The following SNX29 variants were observed in gnomAD, a reference collection of about 807,000 sequenced individuals.
SNX29 encodes sorting nexin-29.
In SNX29, 78 loss-of-function variants were observed where a neutral mutation model predicts 102.1. The ratio of observed to expected loss-of-function variants is 0.76; its 90% CI spans 0.64 to 0.92. The LOEUF (loss-of-function observed/expected upper bound fraction) is 0.92. Ranked by LOEUF, SNX29 falls within the 40% of genes least tolerant of loss-of-function variation. The pLI is 0.00. For missense variants in SNX29, 1,280 were observed against 1,061.7 expected (o/e 1.21, Z -2.86); for synonymous variants, 580 against 414.5 (o/e 1.40, Z -4.85).
intron 8 of SNX29, among the ~76,000 whole-genome samples, chr16:12,054,767 T>C (rs1240489932): frequency 6.6e-6 from 1 of 152,176 alleles, no homozygotes; most frequent in Non-Finnish European, 1.5e-5. Flanking sequence ...TCTCTCTCTC[T>C]TCAGGCACAC....
intron 18 of SNX29, among the ~76,000 whole-genome samples, chr16:12,459,804 C>CT (rs1567585491): frequency 6.6e-6 from 1 of 152,114 alleles, no homozygotes; most frequent in Non-Finnish European, 1.5e-5. Flanking sequence ...CCAGCTCTTG[C>CT]TTTTTTTGAG....
At chr16:12,541,062 T>C (rs775325545) in intron 20 of SNX29, among the ~76,000 whole-genome samples, 2 of 152,184 alleles carry the variant, frequency 1.3e-5, no homozygotes. Flanking sequence ...TTTAGTTTCC[T>C]GAGTTATTGA....
intron 16 of SNX29, among the ~76,000 whole-genome samples, chr16:12,369,928 T>A (rs1184569736): frequency 6.6e-6 from 1 of 152,186 alleles, no homozygotes; most frequent in Non-Finnish European, 1.5e-5. Flanking sequence ...AAAAAATCTT[T>A]CTTTGAGGCC....
At chr16:11,995,877 T>C (rs2056052614) in intron 1 of SNX29, among the ~76,000 whole-genome samples, 1 of 151,712 alleles carries the variant, frequency 6.6e-6, no homozygotes, top group Non-Finnish European at 1.5e-5. Flanking sequence ...CTGGCCAACA[T>C]GGTGAAACCC....
At chr16:12,004,374 G>A (rs1951420017) in intron 3 of SNX29, among the ~76,000 whole-genome samples, 1 of 151,928 alleles carries the variant, frequency 6.6e-6, no homozygotes, top group Non-Finnish European at 1.5e-5. Context: ...AATGGCCATT[G>A]ACATTCACGA....
chr16:11,982,390 C>T (rs1440230491), intron 1 of SNX29, among the ~76,000 whole-genome samples: 3 of 149,060 alleles, frequency 2.0e-5, no homozygotes, highest in Non-Finnish European at 4.4e-5. Flanking sequence ...TGTAAGTCTT[C>T]ATCCTTAAGT....
intron 15 of SNX29, among the ~76,000 whole-genome samples, chr16:12,291,935 C>T (rs1467646173): frequency 2.0e-5 from 3 of 152,198 alleles, no homozygotes; most frequent in Non-Finnish European, 2.9e-5. Flanking sequence ...TCAGCCCTCT[C>T]CCTTGCCTTC....
At chr16:12,441,211 C>G (rs1162533421) in intron 18 of SNX29, among the ~76,000 whole-genome samples, 3 of 151,552 alleles carry the variant, frequency 2.0e-5, no homozygotes, top group Non-Finnish European at 4.4e-5. Flanking sequence ...ACTCAGCCTC[C>G]CGAGTAGTTG....
chr16:12,199,165 A>G (rs2076852590), intron 13 of SNX29, among the ~76,000 whole-genome samples: 2 of 152,254 alleles, frequency 1.3e-5, no homozygotes, highest in Non-Finnish European at 2.9e-5. Context: ...CCTGGCAAAT[A>G]ATAAATGTTT....
chr16:12,201,008 G>A (rs1165404580), intron 14 of SNX29, among the ~76,000 whole-genome samples: 1 of 152,184 alleles, frequency 6.6e-6, no homozygotes, highest in East Asian at 1.9e-4. Context: ...TTAGAATCTG[G>A]CTATGGCTTA....
intron 20 of SNX29, among the ~76,000 whole-genome samples, chr16:12,562,490 G>C (rs774926560): frequency 6.6e-6 from 1 of 152,198 alleles, no homozygotes; most frequent in Admixed American, 6.5e-5. Flanking sequence ...GTCCTAGAAA[G>C]GAGCATCGTG....
At chr16:11,978,197 C>T (rs922230140) in intron 1 of SNX29, among the ~76,000 whole-genome samples, 1 of 152,018 alleles carries the variant, frequency 6.6e-6, no homozygotes, top group Non-Finnish European at 1.5e-5. Context: ...GATAATCCAC[C>T]TTTGGTTGCA....
chr16:12,124,485 A>G (rs1319272491), intron 11 of SNX29, among the ~76,000 whole-genome samples: 1 of 152,220 alleles, frequency 6.6e-6, no homozygotes, highest in African/African-American at 2.4e-5. Flanking sequence ...TGCAGATACT[A>G]TAGCAAAATT....
At chr16:12,257,288 CATCCCTCTCTTCTGCT>C (rs963070895) in intron 14 of SNX29, among the ~76,000 whole-genome samples, 1 of 152,166 alleles carries the variant, frequency 6.6e-6, no homozygotes, top group Non-Finnish European at 1.5e-5. Context: ...TGTCTTCTGC[CATCCCTCTCTTCTGCT>C]TTCGACTGGA....
intron 13 of SNX29, among the ~76,000 whole-genome samples, chr16:12,177,175 A>G (rs553297154): frequency 5.9e-5 from 9 of 152,068 alleles, no homozygotes; most frequent in Non-Finnish European, 8.8e-5. Context: ...CTTGAACTCC[A>G]AGAGATCCTC....
intron 14 of SNX29, among the ~76,000 whole-genome samples, chr16:12,206,040 T>C (rs989439495): frequency 9.8e-5 from 15 of 152,328 alleles, no homozygotes; most frequent in African/African-American, 3.4e-4. Flanking sequence ...ACCCAAATAA[T>C]GTGCATCACC....
intron 15 of SNX29, among the ~76,000 whole-genome samples, chr16:12,337,500 C>T (rs1433214576): frequency 6.6e-6 from 1 of 152,046 alleles, no homozygotes; most frequent in Non-Finnish European, 1.5e-5. Context: ...TACCATCATG[C>T]CCGGCTAACT....
intron 11 of SNX29, among the ~76,000 whole-genome samples, chr16:12,116,382 G>C (rs764973182): frequency 2.6e-5 from 4 of 152,202 alleles, no homozygotes; most frequent in Non-Finnish European, 5.9e-5. Context: ...GCTATAAAAG[G>C]AATGAGGGGC....
intron 20 of SNX29, among the ~76,000 whole-genome samples, chr16:12,538,491 C>T (rs1003439303): frequency 6.6e-6 from 1 of 152,154 alleles, no homozygotes; most frequent in African/African-American, 2.4e-5. Context: ...TAACATACAT[C>T]TATGATACTT....
Sources: gnomAD v4.1 joint callset for allele counts (sites outside exome capture counted in the v4.1 genomes callset) on GRCh38, gnomAD v4.1.1 for gene constraint, MANE v1.5 for transcripts, NCBI Gene and HGNC (gene_info 2026-07-23, HGNC 2026-07-21) for gene names.